MEAF6: variants seen among roughly 807,000 people sequenced by gnomAD.
The protein encoded by MEAF6 is MYST/Esa1 associated factor 6, also known as chromatin modification-related protein MEAF6.
MEAF6 carries 15 observed loss-of-function variants against 28.9 expected under a neutral mutation model. The observed-to-expected ratio is 0.52, with a 90% CI of 0.35 to 0.80. MEAF6 has a LOEUF of 0.80. Ranked by LOEUF, MEAF6 falls within the 30% of genes least tolerant of loss-of-function variation. The pLI, the probability that MEAF6 is intolerant of heterozygous loss-of-function variation, is 0.01. For synonymous variants in MEAF6, 97 were observed against 88.7 expected, an observed-to-expected ratio of 1.09 and a Z score of -0.53; for missense variants, 178 against 237.5, an observed-to-expected ratio of 0.75 and a Z score of 1.65.
At position 37,501,738 on chromosome 1, in the gene MEAF6, A is replaced by G. The variant is rs1342106783; in HGVS notation, c.533+66T>C. On this transcript the variant is annotated intron_variant, in intron 5 of 6. Transcript: ENST00000296214. ...TCTGCAGCAATCCTAAAGAGTTTTT[A>G]TTCTAGGCAATTCCCTTCACAGCAA... 3 of 1,378,316 alleles carry G rather than the reference A, an allele frequency of 2.2e-6. No individual in the cohort carries two copies. The African/African-American group carries it at 4.3e-5, about 20-fold the overall frequency. The allele number at this position is 1,378,316 out of a possible 1,614,324, so 85.4% of individuals were successfully genotyped here.
intron 1 of MEAF6, chr1:37,513,765 T>TAC: frequency 1.8e-6 from 1 of 569,620 alleles, no homozygotes; most frequent in East Asian, 2.8e-5. Flanking sequence ...TCCAGAAAAA[T>TAC]ACACACACAC....
At chr1:37,505,840 A>T (rs1642462933) in intron 4 of MEAF6, among the ~76,000 whole-genome samples, 1 of 152,234 alleles carries the variant, frequency 6.6e-6, no homozygotes, top group African/African-American at 2.4e-5. Flanking sequence ...ATGAAGAAAG[A>T]AAGTCTTTTC....
chr1:37,502,630 T>C (rs1417579642), intron 4 of MEAF6, among the ~76,000 whole-genome samples: 2 of 150,582 alleles, frequency 1.3e-5, no homozygotes, highest in Non-Finnish European at 3.0e-5. Context: ...TTTTTTTTTT[T>C]TTTTTAAGAC....
At chr1:37,506,069 A>G (rs1642471202) in intron 4 of MEAF6, among the ~76,000 whole-genome samples, 1 of 152,228 alleles carries the variant, frequency 6.6e-6, no homozygotes, top group Admixed American at 6.5e-5. Flanking sequence ...TCAGGAGTTC[A>G]AGACCAGCCT....
chr1:37,509,634 T>C (rs1642599052), intron 2 of MEAF6, 92 bp from the exon 3 acceptor site: 1 of 1,136,204 alleles, frequency 8.8e-7, no homozygotes, highest in South Asian at 1.5e-5. Context: ...TGCAGGAAGC[T>C]TCCATGTCAC....
intron 4 of MEAF6, 76 bp from the exon 5 acceptor site, chr1:37,502,072 T>C (rs1642324247): frequency 2.4e-6 from 3 of 1,253,894 alleles, no homozygotes; most frequent in East Asian, 2.4e-5. Flanking sequence ...ACATGAACAC[T>C]AATAGGTAGA....
chr1:37,509,578 C>A, intron 2 of MEAF6, 36 bp from the exon 3 acceptor site: 1 of 1,571,658 alleles, frequency 6.4e-7, no homozygotes, highest in Non-Finnish European at 8.7e-7. Context: ...GAGCACCAAG[C>A]TATGTCTATG....
intron 4 of MEAF6, among the ~76,000 whole-genome samples, chr1:37,503,782 G>A (rs901865075): frequency 5.3e-5 from 8 of 151,880 alleles, no homozygotes; most frequent in African/African-American, 7.3e-5. Flanking sequence ...TGGTCAGCAC[G>A]GCAAAACCTC....
rs187998540 is a variant in MEAF6, at chr1:37,499,285, T to C, written c.533+2519A>G. 1.1e-3 allele frequency among the ~76,000 whole-genome samples: 162 copies of C among 152,362 alleles called. 1 individual carries two copies. Among genetic ancestry groups the C allele is most frequent in the African/African-American group, 3.4e-3 (142 of 41,580 alleles). Reference sequence around the variant, plus strand: ...ACACAGTAAGTACTCAAACATTTGCTGAAATAATTTATTATTGACTCATCT... The same window carrying C: ...ACACAGTAAGTACTCAAACATTTGCCGAAATAATTTATTATTGACTCATCT... On this transcript the variant is annotated intron_variant, in intron 5 of 6. Transcript: ENST00000296214.
chr1:37,491,675 G>T lies in MEAF6; in HGVS notation c.*2424C>A, dbSNP rs562442167. ...GATCAGGCCGCTGCACTCCAGCCTG[G>T]GTGACAGAGCAAGATCCTGTCAATA... On this transcript the variant is annotated 3_prime_UTR_variant, in exon 7 of 7. Coordinates refer to ENST00000296214, the MANE Select transcript of MEAF6 (RefSeq NM_001270875.3). Among the ~76,000 whole-genome samples, 2 of 150,438 alleles carry T rather than the reference G, an allele frequency of 1.3e-5. No individual in the cohort carries two copies. Among genetic ancestry groups the T allele is most frequent in the Admixed American group, 6.7e-5 (1 of 15,018 alleles).
intron 2 of MEAF6, among the ~76,000 whole-genome samples, chr1:37,512,547 A>C (rs562194746): frequency 6.6e-6 from 1 of 152,292 alleles, no homozygotes; most frequent in East Asian, 1.9e-4. Flanking sequence ...TTTTAAAAAT[A>C]ATATTACTAA....
chr1:37,493,562 T>A lies in MEAF6; in HGVS notation c.*537A>T, dbSNP rs1642008825. On this transcript the variant is annotated 3_prime_UTR_variant, in exon 7 of 7. Coordinates refer to ENST00000296214, the MANE Select transcript of MEAF6 (RefSeq NM_001270875.3). ...AATATTGGCAACTGCATGAAAGAGA[T>A]GATCAGATATGTCAGCAGGAAAGTA... 1 of 560,260 alleles carries A rather than the reference T, an allele frequency of 1.8e-6. No individual in the cohort carries two copies. Among genetic ancestry groups the A allele is most frequent in the East Asian group, 3.1e-5 (1 of 32,302 alleles). The allele number at this position is 560,260 out of a possible 1,614,324, so 34.7% of individuals were successfully genotyped here. A position where few individuals can be genotyped will look rare whatever the true frequency, so the allele number is the denominator to read the frequency against.
chr1:37,511,246 C>T (rs1378981388), intron 2 of MEAF6, among the ~76,000 whole-genome samples: 4 of 152,168 alleles, frequency 2.6e-5, no homozygotes, highest in South Asian at 2.1e-4. Flanking sequence ...CATGTTGAAA[C>T]GACAAACAAG....
rs572286317 is a variant in MEAF6, at chr1:37,509,177, A to G, written c.340+101T>C. On this transcript the variant is annotated intron_variant, in intron 4 of 6. Coordinates refer to ENST00000296214, the MANE Select transcript of MEAF6 (RefSeq NM_001270875.3). ...GGAAGAAGAGGGAAAAGGGAAGAGC[A>G]TAAGAAATGCAGTCCTCAGATACAC... 195 of 1,059,794 alleles carry G rather than the reference A, an allele frequency of 1.8e-4. 1 individual carries two copies. The highest frequency in any genetic ancestry group is 2.8e-4 in the Middle Eastern group (1 of 3,552). 65.6% of individuals were successfully genotyped at this position (1,059,794 alleles called of 1,614,324 possible). A position where few individuals can be genotyped will look rare whatever the true frequency, so the allele number is the denominator to read the frequency against.
intron 4 of MEAF6, among the ~76,000 whole-genome samples, chr1:37,507,762 T>C (rs1339770045): frequency 6.6e-6 from 1 of 150,666 alleles, no homozygotes; most frequent in Non-Finnish European, 1.5e-5. Context: ...AAAGCGGAGG[T>C]TGCAGTGAGT....
chr1:37,514,589 G>C lies in MEAF6; in HGVS notation c.90+68C>G, dbSNP rs1036503389. 3.8e-6 allele frequency: 5 copies of C among 1,308,020 alleles called. No individual in the cohort carries two copies. In the African/African-American group the frequency reaches 7.7e-5, roughly 20 times the overall value. The allele number at this position is 1,308,020 out of a possible 1,614,324, so 81.0% of individuals were successfully genotyped here. On this transcript the variant is annotated intron_variant, in intron 1 of 6. Transcript: ENST00000296214. ...AGTAACAAACGGCCTAGCGCGGCCG[G>C]GCTTGGGGCCTGGAGGCGGGGCGGG...
In MEAF6 at chr1:37,492,968, C is replaced by T. The variant is rs1005145474; in HGVS notation, c.*1131G>A. The T allele has an allele frequency of 6.6e-6, 1 of 152,182 alleles. No individual in the cohort carries two copies. The highest frequency in any genetic ancestry group is 1.9e-4 in the East Asian group (1 of 5,194). 9.4% of individuals were successfully genotyped at this position (152,182 alleles called of 1,614,324 possible). On this transcript the variant is annotated 3_prime_UTR_variant, in exon 7 of 7. Transcript: ENST00000296214. ...GTATTTTAAAGCTTCTCAGGTGATT[C>T]CAATGTGCAGCCAGACCCTGTCGCA... is the stretch of plus-strand genomic sequence containing the variant.
chr1:37,491,660 C>T lies in MEAF6; in HGVS notation c.*2439G>A, dbSNP rs1282356122. On this transcript the variant is annotated 3_prime_UTR_variant, in exon 7 of 7. Coordinates refer to ENST00000296214, the MANE Select transcript of MEAF6 (RefSeq NM_001270875.3). ...GCTGCACTGAGCTTTGATCAGGCCGCTGCACTCCAGCCTGGGTGACAGAGC... is the reference window on the plus strand; with the variant it reads ...GCTGCACTGAGCTTTGATCAGGCCGTTGCACTCCAGCCTGGGTGACAGAGC... 6.6e-6 allele frequency among the ~76,000 whole-genome samples: 1 copy of T among 151,814 alleles called. No homozygotes were observed. The highest frequency in any genetic ancestry group is 1.5e-5 in the Non-Finnish European group (1 of 67,970).
chr1:37,496,087 C>T (rs993935956), intron 5 of MEAF6, among the ~76,000 whole-genome samples, 169 bp from the exon 6 acceptor site: 1 of 152,192 alleles, frequency 6.6e-6, no homozygotes, highest in Non-Finnish European at 1.5e-5. Flanking sequence ...TATTATCAAG[C>T]AAGTATTAAA....
Sources: allele counts gnomAD v4.1 joint callset (sites outside exome capture counted in the v4.1 genomes callset), GRCh38; gene constraint gnomAD v4.1.1; transcripts MANE v1.5; gene names NCBI Gene and HGNC (gene_info 2026-07-23, HGNC 2026-07-21).